Variants in ELFN2 observed in about 807,000 individuals in gnomAD.
ELFN2 encodes protein phosphatase 1 regulatory subunit 29.
ELFN2 carries 17 observed loss-of-function variants against 45.5 expected under a neutral mutation model. The ratio of observed to expected loss-of-function variants is 0.37; its 90% confidence interval spans 0.26 to 0.56. The LOEUF (loss-of-function observed/expected upper bound fraction) is 0.56, where lower values mean the gene tolerates loss of function less well. Among genes scored for constraint, ELFN2 ranks in the 20% least tolerant of loss-of-function variants. The pLI, the probability that ELFN2 is intolerant of heterozygous loss-of-function variation, is 0.77. For synonymous variants in ELFN2, 550 were observed against 551.5 expected (o/e 1.00, Z 0.04); for missense variants, 922 against 1,183.2 (o/e 0.78, Z 3.24).
At chr22:37,400,145 C>T (rs1227786606) in intron 2 of ELFN2, among the ~76,000 whole-genome samples, 1 of 152,160 alleles carries the variant, frequency 6.6e-6, no homozygotes, top group Non-Finnish European at 1.5e-5. Context: ...TAAGGAAAGG[C>T]GGGGTTATTA....
chr22:37,374,193 C>T lies in ELFN2; in HGVS notation c.1342G>A (p.Asp448Asn). Residue 448 changes from aspartate (D) to asparagine (N), a missense_variant, in exon 3 of 3, where the codon GAT becomes AAT. Physicochemically the swap from Asp to Asn is conservative, Grantham distance 23. Coordinates refer to ENST00000402918, the MANE Select transcript of ELFN2 (RefSeq NM_052906.5). ...ILEMRYGADVDAGSIVHAAQK... is the reference protein window; with the variant it reads ...ILEMRYGADVNAGSIVHAAQK... Reference sequence around the variant, plus strand: ...GCGGCGTGCACAATGGAGCCGGCATCCACATCAGCCCCGTAGCGCATCTCC... The same window carrying T: ...GCGGCGTGCACAATGGAGCCGGCATTCACATCAGCCCCGTAGCGCATCTCC... The T allele has an allele frequency of 6.2e-7, 1 of 1,613,634 alleles. No homozygotes were observed. The highest frequency in any genetic ancestry group is 8.5e-7 in the Non-Finnish European group (1 of 1,180,030).
In ELFN2 at chr22:37,417,059, C is replaced by T. The variant is rs1419925169; in HGVS notation, c.-463+710G>A. Among the ~76,000 whole-genome samples, 1 of 152,018 alleles carries T rather than the reference C, an allele frequency of 6.6e-6. No individual in the cohort carries two copies. Among genetic ancestry groups the T allele is most frequent in the Non-Finnish European group, 1.5e-5 (1 of 67,990 alleles). On this transcript the variant is annotated intron_variant, in intron 2 of 2. Coordinates refer to ENST00000402918, the MANE Select transcript of ELFN2 (RefSeq NM_052906.5). This position sits in a 1 kb window ranked among gnomAD's most constrained non-coding sequence, Gnocchi z 4.5. ...CACCACGGCAACCACCGTCACTCAG[C>T]GCCGCCTGGACAACAGCTCCCTCCA...
intron 1 of ELFN2, among the ~76,000 whole-genome samples, chr22:37,349,238 A>G (rs547570444): frequency 6.6e-6 from 1 of 151,218 alleles, no homozygotes; most frequent in Non-Finnish European, 1.5e-5. Context: ...GTGGCATAGG[A>G]CTGGGTGCTT....
In ELFN2 at chr22:37,344,345, T is replaced by G. The variant is rs576346785; in HGVS notation, n.149-1642A>C. Among the ~76,000 whole-genome samples, 5 of 151,280 alleles carry G rather than the reference T, an allele frequency of 3.3e-5. No homozygotes were observed. In the South Asian group the frequency reaches 6.3e-4, roughly 19 times the overall value. ...TACACACACTGCTCCCACAGATATCTCCTACACTCACACACAAATCTACAT... is the reference window on the plus strand; with the variant it reads ...TACACACACTGCTCCCACAGATATCGCCTACACTCACACACAAATCTACAT... On this transcript the variant is annotated intron_variant and non_coding_transcript_variant, in intron 1 of 2. Coordinates refer to ENST00000452946, the Ensembl canonical transcript of ELFN2.
intron 2 of ELFN2, among the ~76,000 whole-genome samples, chr22:37,383,034 C>A (rs1377189582): frequency 6.6e-6 from 1 of 152,220 alleles, no homozygotes; most frequent in Non-Finnish European, 1.5e-5. Flanking sequence ...CTTATCCAAG[C>A]TAAACAGCAC....
intron 2 of ELFN2, chr22:37,384,869 TCTTTCACCA>T (rs1931902353): frequency 6.6e-6 from 1 of 151,492 alleles, no homozygotes; most frequent in African/African-American, 2.4e-5. Flanking sequence ...CTGGACCCGC[TCTTTCACCA>T]GTGCCTGCGC....
At chr22:37,341,721 A>G (rs1930564563) in intron 2 of ELFN2, among the ~76,000 whole-genome samples, 1 of 152,234 alleles carries the variant, frequency 6.6e-6, no homozygotes, top group Admixed American at 6.5e-5. Flanking sequence ...AGCACCTGCC[A>G]TGTACCAAGC....
chr22:37,406,511 C>T (rs1248398226), intron 2 of ELFN2, among the ~76,000 whole-genome samples: 1 of 152,192 alleles, frequency 6.6e-6, no homozygotes, highest in African/African-American at 2.4e-5. Flanking sequence ...ATGCCACCCC[C>T]CACTCCCACC....
chr22:37,424,385 C>A (rs1601775686), intron 1 of ELFN2, among the ~76,000 whole-genome samples: 1 of 152,314 alleles, frequency 6.6e-6, no homozygotes, highest in East Asian at 1.9e-4. Context: ...TATTGAGGAA[C>A]AGGCATGGAG....
chr22:37,405,680 C>T (rs966168108), intron 2 of ELFN2, among the ~76,000 whole-genome samples: 3 of 152,144 alleles, frequency 2.0e-5, no homozygotes, highest in Non-Finnish European at 2.9e-5. Flanking sequence ...GCAGGATCCC[C>T]TTTCCCTGCC....
At chr22:37,350,319 T>G (rs1008283773) in intron 1 of ELFN2, among the ~76,000 whole-genome samples, 3 of 150,038 alleles carry the variant, frequency 2.0e-5, no homozygotes, top group African/African-American at 7.3e-5. Context: ...CAAAAGAAGT[T>G]CCATTTCTGC....
In ELFN2 at chr22:37,422,067, A is replaced by G. The variant is rs117932098; in HGVS notation, c.-613-4148T>C. Among the ~76,000 whole-genome samples, 33 of 152,322 alleles carry G rather than the reference A, an allele frequency of 2.2e-4. No homozygotes were observed. In the East Asian group the frequency reaches 5.8e-3, roughly 27 times the overall value. On this transcript the variant is annotated intron_variant, in intron 1 of 2. Coordinates refer to ENST00000402918, the MANE Select transcript of ELFN2 (RefSeq NM_052906.5). ...CTTCCCCCTGAGAGAGGTGGTGACC[A>G]GTGTACACAAACAGTCACAAGAGCT...
chr22:37,358,688 T>G (rs1185286267), intron 1 of ELFN2, among the ~76,000 whole-genome samples: 1 of 152,060 alleles, frequency 6.6e-6, no homozygotes, highest in African/African-American at 2.4e-5. Context: ...CATGAGTCGG[T>G]GATGGGCCTT....
At chr22:37,385,019 G>A (rs1379897869) in intron 2 of ELFN2, 1 of 152,428 alleles carries the variant, frequency 6.6e-6, no homozygotes, top group Non-Finnish European at 1.5e-5. Flanking sequence ...TCCTCCCCCA[G>A]GGTCCCAAGG....
In ELFN2 at chr22:37,405,089, C is replaced by CTTTTTTTTTTTTT. The variant is rs1491573989; in HGVS notation, c.-463+12679_-463+12680insAAAAAAAAAAAAA. On this transcript the variant is annotated intron_variant, in intron 2 of 2. Transcript: ENST00000402918. ...GGCCCCTCACCTCCCTGAACCTCAGCATTTTTTTTTTTTTTTTTTTTTTGA... is the reference window on the plus strand; with the variant it reads ...GGCCCCTCACCTCCCTGAACCTCAGCTTTTTTTTTTTTTATTTTTTTTTTTTTTTTTTTTTTGA... Among the ~76,000 whole-genome samples, 6 of 121,534 alleles carry CTTTTTTTTTTTTT rather than the reference C, an allele frequency of 4.9e-5. 2 individuals are homozygous for CTTTTTTTTTTTTT. Among genetic ancestry groups the CTTTTTTTTTTTTT allele is most frequent in the Non-Finnish European group, 3.3e-5 (2 of 61,044 alleles). 79.7% of individuals were successfully genotyped at this position (121,534 alleles called of 152,430 possible). A position where few individuals can be genotyped will look rare whatever the true frequency, so the allele number is the denominator to read the frequency against.
Position 37,361,566 on chromosome 22 carries a change from C to A in ELFN2, n.149-18863G>T, listed in dbSNP as rs62237487. ...GCAAAACCACTTCCTCTCCCTTTTC[C>A]TCCATGTATAGCCTTTTCCTCCAAA... On this transcript the variant is annotated intron_variant and non_coding_transcript_variant, in intron 1 of 2. Coordinates refer to ENST00000452946, the Ensembl canonical transcript of ELFN2. 2.6e-3 allele frequency among the ~76,000 whole-genome samples: 402 copies of A among 152,224 alleles called. 2 individuals carry two copies. Among genetic ancestry groups the A allele is most frequent in the Non-Finnish European group, 4.6e-3 (312 of 68,016 alleles).
intron 1 of ELFN2, among the ~76,000 whole-genome samples, chr22:37,362,355 A>G (rs1399228714): frequency 1.3e-5 from 2 of 152,178 alleles, no homozygotes; most frequent in African/African-American, 4.8e-5. Flanking sequence ...GCTTCCTATG[A>G]CCACAGGAAG....
intron 2 of ELFN2, among the ~76,000 whole-genome samples, chr22:37,402,658 GA>G (rs1192914412): frequency 1.2e-4 from 19 of 152,174 alleles, no homozygotes; most frequent in African/African-American, 4.6e-4. Flanking sequence ...CTTCTCTCCT[GA>G]GCCCCTGTGC....
chr22:37,346,707 C>T (rs550499510), intron 1 of ELFN2, among the ~76,000 whole-genome samples: 25 of 152,216 alleles, frequency 1.6e-4, no homozygotes, highest in South Asian at 1.5e-3. Flanking sequence ...CAGGTGCACA[C>T]GGAGAGGCAC....
Sources: allele counts gnomAD v4.1 joint callset (sites outside exome capture counted in the v4.1 genomes callset), GRCh38; gene constraint gnomAD v4.1.1; non-coding constraint Gnocchi (gnomAD v3.1); transcripts MANE v1.5; gene names NCBI Gene and HGNC (gene_info 2026-07-23, HGNC 2026-07-21).